Variants in LMF1 observed in about 807,000 individuals in gnomAD.
LMF1 encodes transmembrane protein 112.
Under a neutral mutation model 60.6 loss-of-function variants are expected in LMF1, and 68 were observed. The ratio of observed to expected loss-of-function variants is 1.12; its 90% CI spans 0.92 to 1.37. The LOEUF (loss-of-function observed/expected upper bound fraction) is 1.37. Ranked by LOEUF, LMF1 falls within the 40% of genes most tolerant of loss-of-function variation. The pLI, the probability that LMF1 is intolerant of heterozygous loss-of-function variation, is 0.00. For missense variants in LMF1, 948 were observed against 767.2 expected (o/e 1.24, Z -2.78); for synonymous variants, 418 against 324.7 (o/e 1.29, Z -3.09).
chr16:908,424 C>T (rs1477571218), intron 4 of LMF1, among the ~76,000 whole-genome samples: 1 of 152,230 alleles, frequency 6.6e-6, no homozygotes, highest in East Asian at 1.9e-4. Flanking sequence ...CCCTGCCCGA[C>T]ACCACGTCCA....
intron 4 of LMF1, among the ~76,000 whole-genome samples, chr16:906,400 T>C (rs571784588): frequency 2.0e-4 from 31 of 152,192 alleles, no homozygotes; most frequent in Non-Finnish European, 1.8e-4. Context: ...CACCATCTCA[T>C]CAGCCGCCAG....
At chr16:945,718 C>T (rs7187155) in intron 2 of LMF1, among the ~76,000 whole-genome samples, 2 of 151,896 alleles carry the variant, frequency 1.3e-5, no homozygotes, top group Non-Finnish European at 2.9e-5. Context: ...TTGGCAGAAA[C>T]GGTCAGGAAT....
chr16:905,633 T>C (rs1451507150), intron 4 of LMF1, among the ~76,000 whole-genome samples: 1 of 152,232 alleles, frequency 6.6e-6, no homozygotes, highest in African/African-American at 2.4e-5. Flanking sequence ...TTGAACTTTA[T>C]GAATTCTTTA....
chr16:909,265 T>C (rs759961090), intron 4 of LMF1, among the ~76,000 whole-genome samples: 25 of 151,834 alleles, frequency 1.6e-4, no homozygotes, highest in Non-Finnish European at 3.2e-4. Flanking sequence ...AGGAGGGCGC[T>C]GGGGAAGATG....
chr16:875,962 G>C lies in LMF1; in HGVS notation c.897+3608C>G, dbSNP rs138332311. Among the ~76,000 whole-genome samples the C allele has an allele frequency of 5.7e-3, 870 of 152,232 alleles. 4 individuals carry two copies. Among genetic ancestry groups the C allele is most frequent in the Non-Finnish European group, 0.01 (684 of 68,004 alleles). Reference sequence around the variant, plus strand: ...CGTGTGTGTGGCCCCACCCAGGTCAGGAATCCTGGAACACACCCCTCCATT... The same window carrying C: ...CGTGTGTGTGGCCCCACCCAGGTCACGAATCCTGGAACACACCCCTCCATT... On this transcript the variant is annotated intron_variant, in intron 6 of 10. Coordinates refer to ENST00000262301, the MANE Select transcript of LMF1 (RefSeq NM_022773.4).
chr16:920,190 A>G (rs2071396164), intron 3 of LMF1, among the ~76,000 whole-genome samples: 1 of 143,900 alleles, frequency 6.9e-6, no homozygotes, highest in South Asian at 2.2e-4. Flanking sequence ...CATGACATCC[A>G]CACTGGCCCT....
At chr16:870,561 A>G (rs2069752956) in intron 8 of LMF1, among the ~76,000 whole-genome samples, 168 bp downstream of exon 8, 1 of 152,144 alleles carries the variant, frequency 6.6e-6, no homozygotes, top group South Asian at 2.1e-4. Context: ...CTGCGTGTCC[A>G]GGCCCGGTAG....
chr16:954,292 C>G (rs1459167543), intron 2 of LMF1, 65 bp downstream of exon 2: 2 of 1,475,250 alleles, frequency 1.4e-6, no homozygotes, highest in Non-Finnish European at 1.9e-6. Flanking sequence ...TGCCAGGACA[C>G]CTGCAGTGCC....
rs75368959 is a variant in LMF1, at chr16:933,695, G to A, written c.514+549C>T. The A allele has an allele frequency of 2.7e-3, 796 of 297,416 alleles. 11 individuals are homozygous for A. The East Asian group carries it at 0.044, about 16-fold the overall frequency. 18.4% of individuals were successfully genotyped at this position (297,416 alleles called of 1,614,324 possible). ...CTTACCAAGCCACCGTGTGTCCCAT[G>A]ACATTCTGGAGGCCTCCGGGCCCAA... On this transcript the variant is annotated intron_variant, in intron 3 of 10. Transcript: ENST00000262301.
chr16:917,982 C>T (rs1200473020), intron 3 of LMF1, among the ~76,000 whole-genome samples: 1 of 152,232 alleles, frequency 6.6e-6, no homozygotes, highest in Non-Finnish European at 1.5e-5. Context: ...CGCCCTTCTG[C>T]TGCCCGCAAG....
At position 967,716 on chromosome 16, in the gene LMF1, G is replaced by A. The variant is rs1234457438; in HGVS notation, c.193+3072C>T. 6.6e-5 allele frequency among the ~76,000 whole-genome samples: 10 copies of A among 152,216 alleles called. No homozygotes were observed. In the South Asian group the frequency reaches 1.0e-3, roughly 16 times the overall value. Reference sequence around the variant, plus strand: ...GGAGCCGTCACGGCCCGAGAACGCCGCTGCCCAGATGTGAACCGGGTGTCC... The same window carrying A: ...GGAGCCGTCACGGCCCGAGAACGCCACTGCCCAGATGTGAACCGGGTGTCC... On this transcript the variant is annotated intron_variant, in intron 1 of 10. Transcript: ENST00000262301.
At chr16:922,663 C>A (rs531967295) in intron 3 of LMF1, among the ~76,000 whole-genome samples, 1 of 112,902 alleles carries the variant, frequency 8.9e-6, no homozygotes, top group Non-Finnish European at 1.8e-5. Context: ...CCTGGGTTTT[C>A]GGGTGTGATG....
chr16:919,116 C>T (rs1364075225), intron 3 of LMF1, among the ~76,000 whole-genome samples: 1 of 152,086 alleles, frequency 6.6e-6, no homozygotes, highest in East Asian at 1.9e-4. Flanking sequence ...GTGTTCCCCT[C>T]ACCACACAGT....
intron 1 of LMF1, among the ~76,000 whole-genome samples, chr16:969,368 G>A (rs1478004208): frequency 3.9e-5 from 6 of 152,044 alleles, no homozygotes; most frequent in Admixed American, 3.9e-4. Flanking sequence ...GAGAGAGAGA[G>A]ACACAGACCC....
intron 2 of LMF1, among the ~76,000 whole-genome samples, chr16:947,836 A>G (rs2072278642): frequency 6.6e-6 from 1 of 150,932 alleles, no homozygotes; most frequent in Non-Finnish European, 1.5e-5. Flanking sequence ...CCAATGACAG[A>G]GTCAGCCAAC....
chr16:885,122 ATTG>A (rs918578531), intron 5 of LMF1: 4 of 152,260 alleles, frequency 2.6e-5, no homozygotes, highest in Admixed American at 2.0e-4. Flanking sequence ...TTGGGAGAAT[ATTG>A]TTGTAAAATT....
chr16:904,410 T>C (rs78851912), intron 4 of LMF1, among the ~76,000 whole-genome samples: 4 of 111,332 alleles, frequency 3.6e-5, no homozygotes, highest in East Asian at 2.9e-4. Flanking sequence ...ACAGGACGCC[T>C]GTCTCTGCTG....
intron 3 of LMF1, among the ~76,000 whole-genome samples, chr16:922,959 A>G (rs1456825970): frequency 8.9e-6 from 1 of 112,064 alleles, no homozygotes; most frequent in Non-Finnish European, 1.7e-5. Flanking sequence ...GTTGTTGCGA[A>G]GGCCCTGTGT....
At chr16:872,997 G>T (rs1355706513) in intron 6 of LMF1, 1 of 152,226 alleles carries the variant, frequency 6.6e-6, no homozygotes, top group African/African-American at 2.4e-5. Flanking sequence ...GGCTCAGTGG[G>T]GAACTCTAGC....
Sources: allele counts gnomAD v4.1 joint callset (sites outside exome capture counted in the v4.1 genomes callset), GRCh38; gene constraint gnomAD v4.1.1; transcripts MANE v1.5; gene names NCBI Gene and HGNC (gene_info 2026-07-23, HGNC 2026-07-21).